The following TENM2 variants were observed in gnomAD, a reference collection of about 807,000 sequenced individuals.
The protein encoded by TENM2 is teneurin transmembrane protein 2.
TENM2 carries 52 observed loss-of-function variants against 245.2 expected under a neutral mutation model. The observed-to-expected ratio is 0.21, with a 90% confidence interval of 0.17 to 0.27. TENM2 has a LOEUF of 0.27. Among genes scored for constraint, TENM2 ranks in the 10% least tolerant of loss-of-function variants. The pLI is 1.00. For missense variants in TENM2, 3,046 were observed against 3,666.8 expected (o/e 0.83, Z 4.37); for synonymous variants, 1,363 against 1,438.9 (o/e 0.95, Z 1.19).
chr5:167,285,936 G>A (rs1164155892), intron 1 of TENM2, among the ~76,000 whole-genome samples: 1 of 152,238 alleles, frequency 6.6e-6, no homozygotes, highest in Non-Finnish European at 1.5e-5. Context: ...CTTGTTCCAT[G>A]TCCTTGGGAG....
intron 13 of TENM2, among the ~76,000 whole-genome samples, chr5:168,182,252 AT>A (rs1759972133): frequency 2.0e-5 from 3 of 152,196 alleles, no homozygotes; most frequent in Admixed American, 1.3e-4. Flanking sequence ...AATACTTTCA[AT>A]TATCCTCACT....
intron 2 of TENM2, among the ~76,000 whole-genome samples, chr5:167,501,569 C>A (rs1051934969): frequency 1.3e-4 from 20 of 152,162 alleles, no homozygotes; most frequent in Admixed American, 1.1e-3. Context: ...TCCCTGTCCC[C>A]ATTCCCCAAA....
intron 2 of TENM2, among the ~76,000 whole-genome samples, chr5:167,862,201 G>A (rs912779703): frequency 8.5e-5 from 13 of 152,112 alleles, no homozygotes; most frequent in Non-Finnish European, 1.3e-4. Context: ...AGTGCCCTGT[G>A]GATGTGTATT....
At chr5:168,040,841 C>A (rs959455953) in intron 5 of TENM2, among the ~76,000 whole-genome samples, 26 of 152,278 alleles carry the variant, frequency 1.7e-4, no homozygotes, top group African/African-American at 6.0e-4. Context: ...AGGGAAAAAA[C>A]ACCAAACATG....
At chr5:168,233,740 G>A (rs938787943) in intron 25 of TENM2, among the ~76,000 whole-genome samples, 1 of 152,194 alleles carries the variant, frequency 6.6e-6, no homozygotes, top group Non-Finnish European at 1.5e-5. Context: ...AGAAAAAGAA[G>A]TTTAATTGGA....
chr5:167,025,373 A>G, the TENM2 span, among the ~76,000 whole-genome samples: 1 of 152,330 alleles, frequency 6.6e-6, no homozygotes, highest in Middle Eastern at 3.4e-3. Context: ...TGGAGTGTAC[A>G]AAATTTATAG....
intron 2 of TENM2, among the ~76,000 whole-genome samples, chr5:167,619,792 T>C (rs530973439): frequency 3.3e-5 from 5 of 152,246 alleles, no homozygotes; most frequent in African/African-American, 1.2e-4. Context: ...AAGCATTGGG[T>C]AAACTTGCTC....
At chr5:168,171,225 C>T (rs1171788423) in intron 13 of TENM2, among the ~76,000 whole-genome samples, 2 of 152,212 alleles carry the variant, frequency 1.3e-5, no homozygotes, top group Non-Finnish European at 2.9e-5. Context: ...AATTTTCTCA[C>T]GCTGTTATTC....
the TENM2 span, among the ~76,000 whole-genome samples, chr5:167,129,233 T>C: frequency 6.6e-6 from 1 of 152,138 alleles, no homozygotes; most frequent in Admixed American, 6.5e-5. Flanking sequence ...TGGGTGAGCA[T>C]GCTGGAGGCC....
chr5:167,569,903 A>C (rs1774159288), intron 2 of TENM2, among the ~76,000 whole-genome samples: 2 of 152,156 alleles, frequency 1.3e-5, no homozygotes, highest in Admixed American at 6.5e-5. Flanking sequence ...ACTAACCCCA[A>C]AGCCCAGCTC....
chr5:167,445,336 T>TATAGAGAGAGAGAG (rs368881390), intron 2 of TENM2, among the ~76,000 whole-genome samples: 140 of 77,240 alleles, frequency 1.8e-3, no homozygotes, highest in Non-Finnish European at 2.8e-3. Context: ...TATATATATA[T>TATAGAGAGAGAGAG]AGAGAGAGAG....
chr5:168,084,915 C>T (rs943861290), intron 7 of TENM2, among the ~76,000 whole-genome samples: 9 of 152,184 alleles, frequency 5.9e-5, no homozygotes, highest in South Asian at 2.1e-4. Context: ...CCTTCTTATC[C>T]GCTCAGTGGC....
chr5:167,381,389 A>G (rs1581893646), intron 2 of TENM2, among the ~76,000 whole-genome samples: 1 of 152,172 alleles, frequency 6.6e-6, no homozygotes, highest in Admixed American at 6.5e-5. Flanking sequence ...TAAGTGGCTT[A>G]TGGGATATTT....
chr5:167,900,143 G>A (rs11743868), intron 3 of TENM2, among the ~76,000 whole-genome samples: 4,899 of 126,566 alleles, frequency 0.039, 335 homozygotes, highest in African/African-American at 0.15. Flanking sequence ...AGGGGGGGGG[G>A]GTTTTGGAAA....
intron 2 of TENM2, among the ~76,000 whole-genome samples, chr5:167,696,913 A>C (rs2150422850): frequency 6.6e-6 from 1 of 152,320 alleles, no homozygotes; most frequent in South Asian, 2.1e-4. Context: ...GTCTTGCTTA[A>C]AAACCTCAAG....
chr5:167,179,071 A>C, the TENM2 span, among the ~76,000 whole-genome samples: 8 of 152,170 alleles, frequency 5.3e-5, no homozygotes, highest in Non-Finnish European at 8.8e-5. Flanking sequence ...ATGATTTATA[A>C]GCTGTTATAC....
At chr5:167,004,981 G>A in the TENM2 span, among the ~76,000 whole-genome samples, 2,458 of 151,872 alleles carry the variant, frequency 0.016, 36 homozygotes, top group Non-Finnish European at 0.025. Context: ...AATAGAGTCC[G>A]AATAAATAAA....
the TENM2 span, among the ~76,000 whole-genome samples, chr5:167,199,939 C>A: frequency 2.0e-5 from 3 of 151,330 alleles, no homozygotes; most frequent in Non-Finnish European, 4.4e-5. Flanking sequence ...GCATAAGTTT[C>A]TTTTCTTTGT....
the TENM2 span, among the ~76,000 whole-genome samples, chr5:167,257,575 C>T: frequency 9.3e-5 from 14 of 150,400 alleles, no homozygotes; most frequent in South Asian, 8.4e-4. Flanking sequence ...TTAATTGAGG[C>T]GAAGCGAAGA....
Sources: gnomAD v4.1 joint callset for allele counts (sites outside exome capture counted in the v4.1 genomes callset) on GRCh38, gnomAD v4.1.1 for gene constraint, MANE v1.5 for transcripts, NCBI Gene and HGNC (gene_info 2026-07-23, HGNC 2026-07-21) for gene names.